Variants in LRP1B observed in about 807,000 individuals in gnomAD.
The protein encoded by LRP1B is LDL receptor related protein 1B.
Under a neutral mutation model 556.6 loss-of-function variants are expected in LRP1B, and 217 were observed. That is an observed-to-expected ratio of 0.39 (90% confidence interval 0.35 to 0.44). The LOEUF is 0.44. Ranked by LOEUF, LRP1B falls within the 20% of genes least tolerant of loss-of-function variation. The probability of loss-of-function intolerance (pLI) is 1.00; values close to 1 mark genes in which losing one functional copy is unlikely to be tolerated. For synonymous variants in LRP1B, 2,047 were observed against 1,865.8 expected (o/e 1.10, Z -2.50); for missense variants, 5,053 against 5,620.8 (o/e 0.90, Z 3.23).
intron 43 of LRP1B, among the ~76,000 whole-genome samples, chr2:140,561,205 A>C (rs1445728629): frequency 2.0e-5 from 3 of 152,170 alleles, no homozygotes; most frequent in African/African-American, 7.2e-5. Context: ...CTCTCTGTCT[A>C]GGAGCTGGCC....
chr2:141,210,441 CT>C (rs1422421039), intron 6 of LRP1B, among the ~76,000 whole-genome samples: 2 of 152,220 alleles, frequency 1.3e-5, no homozygotes, highest in South Asian at 4.1e-4. Context: ...TCTTTACTTC[CT>C]TCTTTCTTCC....
intron 1 of LRP1B, among the ~76,000 whole-genome samples, chr2:142,080,019 T>C (rs1293570751): frequency 6.6e-6 from 1 of 152,118 alleles, no homozygotes; most frequent in African/African-American, 2.4e-5. Flanking sequence ...TTGATTTGCT[T>C]ACAAACATTG....
chr2:141,756,547 AC>A (rs1289108041), intron 2 of LRP1B, among the ~76,000 whole-genome samples: 6,430 of 24,574 alleles, frequency 0.26, 468 homozygotes, highest in African/African-American at 0.38. Flanking sequence ...CTCAAATTAC[AC>A]ACACACACAC....
chr2:140,441,529 C>T (rs1016683983), intron 66 of LRP1B, among the ~76,000 whole-genome samples: 3 of 152,156 alleles, frequency 2.0e-5, no homozygotes, highest in Admixed American at 6.5e-5. Context: ...CACTTAAAGA[C>T]ATGTTATTAT....
chr2:140,416,071 G>C (rs887156401), intron 66 of LRP1B, among the ~76,000 whole-genome samples: 2 of 152,300 alleles, frequency 1.3e-5, no homozygotes, highest in Admixed American at 6.5e-5. Flanking sequence ...CACAGCAGGA[G>C]GCGAGTGGCA....
At chr2:140,752,266 G>A (rs143904802) in intron 35 of LRP1B, among the ~76,000 whole-genome samples, 94 of 150,970 alleles carry the variant, frequency 6.2e-4, no homozygotes, top group African/African-American at 1.7e-3. Context: ...ACTTAGCCAC[G>A]GAATAAATAG....
chr2:141,954,814 T>C lies in LRP1B; in HGVS notation c.83-144413A>G, dbSNP rs1186306512. Among the ~76,000 whole-genome samples, 2 of 152,062 alleles carry C rather than the reference T, an allele frequency of 1.3e-5. 1 individual carries two copies. The highest frequency in any genetic ancestry group is 4.1e-4 in the South Asian group (2 of 4,826). On this transcript the variant is annotated intron_variant, in intron 1 of 90. Coordinates refer to ENST00000389484, the MANE Select transcript of LRP1B (RefSeq NM_018557.3). ...TCTGAGTCTCTCAGCTACATATGAG[T>C]TATCTTTTCTAACTTCCTAAACTAC...
rs2104891730 is a variant in LRP1B at position 140,501,832 on chromosome 2, C to T, written c.8705G>A (p.Arg2902Lys). 1 of 1,609,162 alleles carries T rather than the reference C, an allele frequency of 6.2e-7. No homozygotes were observed. The highest frequency in any genetic ancestry group is 1.3e-5 in the African/African-American group (1 of 74,852). Residue 2902 changes from arginine to lysine, a missense_variant, in exon 55 of 91, where the codon AGG (arginine) becomes AAG (lysine). By Grantham distance (26) the Arg-to-Lys change is conservative (BLOSUM62 2). Coordinates refer to ENST00000389484, the MANE Select transcript of LRP1B (RefSeq NM_018557.3). Reference protein sequence around the residue: ...NSSFFMCKNGRCIPSGGLCDN... With the variant: ...NSSFFMCKNGKCIPSGGLCDN... ...GCAAAGACCTCCACTGGGAATGCAC[C>T]TGCCATTTTTGCACATAAAAAATGA...
At chr2:140,239,923 C>A (rs1248215175) in intron 87 of LRP1B, among the ~76,000 whole-genome samples, 1 of 150,866 alleles carries the variant, frequency 6.6e-6, no homozygotes, top group East Asian at 2.0e-4. Flanking sequence ...ACATTCCCAC[C>A]CTTAGTTTTG....
intron 32 of LRP1B, among the ~76,000 whole-genome samples, chr2:140,794,865 G>A (rs1051963320): frequency 1.3e-5 from 2 of 151,876 alleles, no homozygotes; most frequent in Admixed American, 6.6e-5. Flanking sequence ...CACCCACCTC[G>A]GCCTCCCAAA....
At chr2:140,748,600 T>C (rs1213415677) in intron 35 of LRP1B, among the ~76,000 whole-genome samples, 1 of 32,996 alleles carries the variant, frequency 3.0e-5, no homozygotes, top group Non-Finnish European at 8.3e-5. Context: ...TGTATATATA[T>C]ATATATATAT....
chr2:140,259,675 C>A (rs12612910), intron 86 of LRP1B, among the ~76,000 whole-genome samples: 1 of 151,678 alleles, frequency 6.6e-6, no homozygotes, highest in Non-Finnish European at 1.5e-5. Context: ...AGAATACATG[C>A]GACCCATTGG....
chr2:141,161,192 A>G (rs1375358204), intron 7 of LRP1B, among the ~76,000 whole-genome samples: 2 of 152,078 alleles, frequency 1.3e-5, no homozygotes, highest in East Asian at 3.9e-4. Flanking sequence ...TTATTTTCCA[A>G]TTTAACTGTT....
intron 43 of LRP1B, among the ~76,000 whole-genome samples, chr2:140,544,514 C>T (rs535604875): frequency 5.9e-5 from 9 of 152,130 alleles, no homozygotes; most frequent in African/African-American, 2.2e-4. Flanking sequence ...TATTGTTCTC[C>T]TCTATATGTC....
intron 2 of LRP1B, among the ~76,000 whole-genome samples, chr2:141,601,332 A>G (rs1687731544): frequency 6.6e-6 from 1 of 152,060 alleles, no homozygotes; most frequent in Non-Finnish European, 1.5e-5. Context: ...CACTGTTGAA[A>G]TCTCTCCATG....
chr2:140,498,206 C>G (rs1173497493), intron 55 of LRP1B, among the ~76,000 whole-genome samples: 1 of 151,774 alleles, frequency 6.6e-6, no homozygotes, highest in South Asian at 2.1e-4. Context: ...ATTTTTCTCA[C>G]CATTCCAAAT....
intron 1 of LRP1B, among the ~76,000 whole-genome samples, chr2:141,922,965 G>A (rs1177480105): frequency 6.6e-6 from 1 of 151,866 alleles, no homozygotes; most frequent in African/African-American, 2.4e-5. Context: ...TGGGCGTAGT[G>A]GTGCATGCCT....
At chr2:140,786,675 C>G (rs922170169) in intron 32 of LRP1B, among the ~76,000 whole-genome samples, 1 of 151,994 alleles carries the variant, frequency 6.6e-6, no homozygotes, top group Admixed American at 6.6e-5. Context: ...AGAACAAAGC[C>G]CAGAATTTGC....
chr2:141,842,834 A>T (rs1697521857), intron 1 of LRP1B, among the ~76,000 whole-genome samples: 1 of 152,168 alleles, frequency 6.6e-6, no homozygotes, highest in Non-Finnish European at 1.5e-5. Flanking sequence ...TAGAATTCAG[A>T]GTCCTGGTGC....
Sources: allele counts gnomAD v4.1 joint callset (sites outside exome capture counted in the v4.1 genomes callset), GRCh38; gene constraint gnomAD v4.1.1; transcripts MANE v1.5; gene names NCBI Gene and HGNC (gene_info 2026-07-23, HGNC 2026-07-21).